MICU2: variants seen among roughly 807,000 people sequenced by gnomAD.
MICU2 encodes the protein mitochondrial calcium uptake 2, also known as calcium uptake protein 2, mitochondrial.
In MICU2, 64 loss-of-function variants were observed where a neutral mutation model predicts 60.4. The ratio of observed to expected loss-of-function variants is 1.06; its 90% CI spans 0.87 to 1.31. The LOEUF (loss-of-function observed/expected upper bound fraction) is 1.31. MICU2 is among the 50% of genes most tolerant of loss of function. MICU2 has a pLI of 0.00. For missense variants in MICU2, 569 were observed against 531.0 expected (o/e 1.07, Z -0.70); for synonymous variants, 201 against 175.0 (o/e 1.15, Z -1.17).
At chr13:21,581,242 T>TA (rs1344628822) in intron 1 of MICU2, among the ~76,000 whole-genome samples, 1 of 152,110 alleles carries the variant, frequency 6.6e-6, no homozygotes, top group Non-Finnish European at 1.5e-5. Context: ...CTCAGCCTCT[T>TA]GAGTAGCTGG....
rs1885964244 is a variant in MICU2 at position 21,495,238 on chromosome 13, C to CAAAG, written c.1119_1122dup (p.Asp375LeufsTer2). The CAAAG allele has an allele frequency of 6.2e-7, 1 of 1,613,552 alleles. No individual in the cohort carries two copies. Among genetic ancestry groups the CAAAG allele is most frequent in the Non-Finnish European group, 8.5e-7 (1 of 1,179,762 alleles). The stretch of plus-strand genomic sequence containing the variant: ...CTAAGACATTCATCACCATCCAAAT[C>CAAAG]AAAGATCTTAAAGACAGTGTCCAAA... On this transcript the variant is annotated frameshift_variant, in exon 11 of 12. Transcript: ENST00000382374. LOFTEE classifies it high-confidence loss of function.
chr13:21,537,723 G>A (rs749242835), intron 4 of MICU2, among the ~76,000 whole-genome samples: 2 of 151,950 alleles, frequency 1.3e-5, no homozygotes, highest in Middle Eastern at 3.4e-3. Context: ...GGGCTGCCTC[G>A]GCCTCAATGG....
At chr13:21,532,789 A>G (rs1887032953) in intron 4 of MICU2, among the ~76,000 whole-genome samples, 1 of 152,204 alleles carries the variant, frequency 6.6e-6, no homozygotes, top group African/African-American at 2.4e-5. Flanking sequence ...GATCATGACA[A>G]AACAGTGTCC....
intron 1 of MICU2, among the ~76,000 whole-genome samples, chr13:21,601,911 C>A (rs1888825635): frequency 6.6e-6 from 1 of 151,434 alleles, no homozygotes; most frequent in South Asian, 2.1e-4. Flanking sequence ...CGAGACCATC[C>A]TGGCCAACAT....
chr13:21,527,760 C>T (rs2138176076), intron 4 of MICU2, among the ~76,000 whole-genome samples: 1 of 152,312 alleles, frequency 6.6e-6, no homozygotes, highest in Non-Finnish European at 1.5e-5. Context: ...AAGAGGGACA[C>T]TAGGAGAAAC....
chr13:21,584,589 A>G (rs1365734074), intron 1 of MICU2, among the ~76,000 whole-genome samples: 3 of 152,126 alleles, frequency 2.0e-5, no homozygotes, highest in Non-Finnish European at 2.9e-5. Context: ...ATGGAACCAC[A>G]TATCTATGGA....
At chr13:21,577,535 T>C (rs1888252361) in intron 1 of MICU2, among the ~76,000 whole-genome samples, 1 of 151,870 alleles carries the variant, frequency 6.6e-6, no homozygotes, top group East Asian at 1.9e-4. Flanking sequence ...AGGCTGGGCG[T>C]GGTGGCTCAC....
chr13:21,538,517 C>T (rs1887190982), intron 4 of MICU2, among the ~76,000 whole-genome samples: 1 of 144,312 alleles, frequency 6.9e-6, no homozygotes, highest in African/African-American at 2.5e-5. Flanking sequence ...GGAGCTATGA[C>T]TGCGCCACTG....
intron 1 of MICU2, among the ~76,000 whole-genome samples, chr13:21,588,415 CA>C (rs1020183053): frequency 3.3e-5 from 5 of 152,182 alleles, no homozygotes; most frequent in Admixed American, 6.5e-5. Flanking sequence ...CCTACAGCCT[CA>C]AGTAATAAGT....
At position 21,525,173 on chromosome 13, in the gene MICU2, G is replaced by A. The variant is rs61950051; in HGVS notation, c.467-2523C>T. Among the ~76,000 whole-genome samples, 297 of 134,670 alleles carry A rather than the reference G, an allele frequency of 2.2e-3. 1 individual carries two copies. Among genetic ancestry groups the A allele is most frequent in the Non-Finnish European group, 3.5e-3 (225 of 63,850 alleles). 88.3% of individuals were successfully genotyped at this position (134,670 alleles called of 152,430 possible). On this transcript the variant is annotated intron_variant, in intron 4 of 11. Transcript: ENST00000382374. ...CTGCTGCATCATACAGTAATGCTGT[G>A]TAATTCAATTTTTTTTTTTTTTTTT...
chr13:21,517,761 C>T (rs890335629), intron 6 of MICU2, among the ~76,000 whole-genome samples: 6 of 147,006 alleles, frequency 4.1e-5, no homozygotes, highest in Non-Finnish European at 6.0e-5. Context: ...GCCTGGGTGA[C>T]AGAGCGAGGA....
chr13:21,523,165 T>G (rs556847475), intron 4 of MICU2, among the ~76,000 whole-genome samples: 1 of 152,226 alleles, frequency 6.6e-6, no homozygotes, highest in Non-Finnish European at 1.5e-5. Flanking sequence ...AAATGTGGAC[T>G]GAATTACACC....
chr13:21,528,417 CAT>C (rs1303354336), intron 4 of MICU2, among the ~76,000 whole-genome samples: 1 of 152,136 alleles, frequency 6.6e-6, no homozygotes, highest in Non-Finnish European at 1.5e-5. Flanking sequence ...CATGTCAACT[CAT>C]GTATTTCAGG....
chr13:21,576,323 G>C (rs1195576705), intron 1 of MICU2, among the ~76,000 whole-genome samples: 1 of 152,114 alleles, frequency 6.6e-6, no homozygotes, highest in Non-Finnish European at 1.5e-5. Context: ...AGGAACTTCT[G>C]TGATATAAGC....
chr13:21,560,849 C>T (rs1221943555), intron 2 of MICU2, among the ~76,000 whole-genome samples: 1 of 152,048 alleles, frequency 6.6e-6, no homozygotes, highest in Non-Finnish European at 1.5e-5. Context: ...ATAGCTTGTC[C>T]CACCGACTAT....
chr13:21,565,677 A>G (rs1887963910), intron 2 of MICU2, among the ~76,000 whole-genome samples: 1 of 150,540 alleles, frequency 6.6e-6, no homozygotes, highest in African/African-American at 2.4e-5. Context: ...ACAAACAAAA[A>G]CAAAAATTAG....
rs1452782669 is a variant in MICU2, at chr13:21,566,936, A to G, written c.219T>C (p.Val73=). ...GSFTVSAQKN[V]EHGIIYIGKP... ...TCCCAATATATATTATTCCATGTTCAACATTTTTCTAAAAGAAAAATAAAT... is the reference window on the plus strand; with the variant it reads ...TCCCAATATATATTATTCCATGTTCGACATTTTTCTAAAAGAAAAATAAAT... Residue 73 remains valine (V), a synonymous_variant, in exon 2 of 12, where the codon GTT becomes GTC. Transcript: ENST00000382374. 6.3e-7 allele frequency: 1 copy of G among 1,594,096 alleles called. No homozygotes were observed. Among genetic ancestry groups the G allele is most frequent in the African/African-American group, 1.4e-5 (1 of 73,578 alleles).
At chr13:21,574,537 A>G (rs533499323) in intron 1 of MICU2, among the ~76,000 whole-genome samples, 3 of 152,306 alleles carry the variant, frequency 2.0e-5, no homozygotes, top group Non-Finnish European at 4.4e-5. Flanking sequence ...GTGCTTCACC[A>G]CTCTGTCTCT....
chr13:21,511,048 A>C (rs981469159), intron 7 of MICU2, among the ~76,000 whole-genome samples: 1 of 152,166 alleles, frequency 6.6e-6, no homozygotes. Flanking sequence ...AATAATCAGA[A>C]GCCCACAGGG....
Sources: allele counts gnomAD v4.1 joint callset (sites outside exome capture counted in the v4.1 genomes callset), GRCh38; gene constraint gnomAD v4.1.1; transcripts MANE v1.5; gene names NCBI Gene and HGNC (gene_info 2026-07-23, HGNC 2026-07-21).